DNAH3: variants seen among roughly 807,000 people sequenced by gnomAD.
DNAH3 encodes dynein axonemal heavy chain 3.
DNAH3 carries 332 observed loss-of-function variants against 432.5 expected under a neutral mutation model. That is an observed-to-expected ratio of 0.77 (90% CI 0.70 to 0.84). The LOEUF is 0.84. DNAH3 is among the 40% of genes least tolerant of loss of function. DNAH3 has a pLI of 0.00. For missense variants in DNAH3, 4,861 were observed against 5,114.0 expected (o/e 0.95, Z 1.51); for synonymous variants, 1,956 against 1,900.2 (o/e 1.03, Z -0.76).
At chr16:21,026,015 A>C (rs893672299) in intron 38 of DNAH3, among the ~76,000 whole-genome samples, 1 of 152,104 alleles carries the variant, frequency 6.6e-6, no homozygotes, top group African/African-American at 2.4e-5. Flanking sequence ...CTGGGATTAC[A>C]GCATAAGTCA....
chr16:21,051,620 C>T (rs745311949), intron 29 of DNAH3, 50 bp downstream of exon 29: 1 of 1,574,308 alleles, frequency 6.4e-7, no homozygotes. Context: ...GAGTCTTCTT[C>T]CCCTGGAGTT....
intron 50 of DNAH3, among the ~76,000 whole-genome samples, chr16:20,978,566 ACT>A (rs1265235415): frequency 6.6e-6 from 1 of 152,016 alleles, no homozygotes; most frequent in East Asian, 1.9e-4. Flanking sequence ...ACAAAGTCTC[ACT>A]CTGTTACCCC....
chr16:21,129,221 C>A (rs57670866), intron 7 of DNAH3: 42,905 of 152,666 alleles, frequency 0.28, 6,160 homozygotes, highest in African/African-American at 0.33. Context: ...TGTTTCCAGG[C>A]CGTGCCCACC....
intron 1 of DNAH3, among the ~76,000 whole-genome samples, chr16:21,155,027 G>T (rs932783513): frequency 6.9e-6 from 1 of 145,708 alleles, no homozygotes; most frequent in Non-Finnish European, 1.5e-5. Flanking sequence ...TCGGCTCACT[G>T]TAACCTCCAC....
exon 1 of DNAH3, chr16:21,159,426 G>T: frequency 6.2e-7 from 1 of 1,613,960 alleles, no homozygotes; most frequent in Non-Finnish European, 8.5e-7. Context: ...AGCTCGAGGC[G>T]CCCTGTAGCT....
At chr16:20,987,596 G>C in intron 46 of DNAH3, 97 bp downstream of exon 46, 3 of 1,542,638 alleles carry the variant, frequency 1.9e-6, no homozygotes, top group Non-Finnish European at 2.7e-6. Flanking sequence ...CATAGACTAA[G>C]TGCCTAATAA....
chr16:21,066,584 G>A (rs542949970), intron 24 of DNAH3, among the ~76,000 whole-genome samples: 17 of 152,110 alleles, frequency 1.1e-4, no homozygotes, highest in African/African-American at 3.9e-4. Context: ...GTCCAGGCTG[G>A]TCTCAAATTC....
chr16:21,116,276 T>C (rs192802313), intron 12 of DNAH3, among the ~76,000 whole-genome samples: 1 of 152,128 alleles, frequency 6.6e-6, no homozygotes, highest in East Asian at 1.9e-4. Context: ...AATTTCATCT[T>C]GAATTGTGGT....
At chr16:21,071,636 C>T (rs1314706653) in intron 21 of DNAH3, among the ~76,000 whole-genome samples, 1 of 151,900 alleles carries the variant, frequency 6.6e-6, no homozygotes, top group Non-Finnish European at 1.5e-5. Context: ...GCCCATAATC[C>T]CAGCACTTTG....
At chr16:21,145,736 G>A (rs1250409998) in intron 2 of DNAH3, among the ~76,000 whole-genome samples, 3 of 152,210 alleles carry the variant, frequency 2.0e-5, no homozygotes, top group African/African-American at 7.2e-5. Context: ...GAAGTTCAGA[G>A]AGTTTAAATA....
intron 52 of DNAH3, among the ~76,000 whole-genome samples, chr16:20,969,086 CTGTGTG>C (rs56928155): frequency 0.09 from 13,107 of 146,340 alleles, 638 homozygotes; most frequent in East Asian, 0.17. Context: ...TTTTCTTTCT[CTGTGTG>C]TGTGTGTGTG....
intron 41 of DNAH3, among the ~76,000 whole-genome samples, chr16:21,004,596 G>C (rs906010251): frequency 6.6e-6 from 1 of 152,008 alleles, no homozygotes; most frequent in African/African-American, 2.4e-5. Flanking sequence ...TCAAACTCCC[G>C]ACCTCAGGTG....
intron 57 of DNAH3, among the ~76,000 whole-genome samples, chr16:20,945,526 T>C (rs1202981042): frequency 6.6e-6 from 1 of 151,876 alleles, no homozygotes; most frequent in Non-Finnish European, 1.5e-5. Flanking sequence ...AGATTCTTGC[T>C]GTCTGCCAGG....
At chr16:21,155,195 C>T (rs1022010607) in intron 1 of DNAH3, among the ~76,000 whole-genome samples, 1 of 151,936 alleles carries the variant, frequency 6.6e-6, no homozygotes, top group African/African-American at 2.4e-5. Context: ...AGTGATCTGC[C>T]CACCTCCGCC....
intron 36 of DNAH3, among the ~76,000 whole-genome samples, chr16:21,032,706 G>A (rs147765120): frequency 6.6e-6 from 1 of 151,988 alleles, no homozygotes; most frequent in Non-Finnish European, 1.5e-5. Flanking sequence ...CCAGCTACCC[G>A]GGAGCCTGAG....
At chr16:20,999,333 G>C (rs1047333763) in intron 43 of DNAH3, among the ~76,000 whole-genome samples, 2 of 152,130 alleles carry the variant, frequency 1.3e-5, no homozygotes, top group Admixed American at 6.6e-5. Flanking sequence ...ATAAAAATAG[G>C]GAGGGAGAGC....
chr16:20,970,281 T>C (rs1176995415), intron 51 of DNAH3, among the ~76,000 whole-genome samples: 1 of 152,190 alleles, frequency 6.6e-6, no homozygotes, highest in Non-Finnish European at 1.5e-5. Flanking sequence ...TCCCAGCACT[T>C]TGGGAGGCCA....
chr16:20,951,326 T>C (rs545735823), intron 56 of DNAH3, among the ~76,000 whole-genome samples: 2 of 151,846 alleles, frequency 1.3e-5, no homozygotes, highest in African/African-American at 4.8e-5. Flanking sequence ...CCAAAACCCA[T>C]CTCTTATGCC....
chr16:21,041,929 T>C, intron 32 of DNAH3, 98 bp downstream of exon 32: 5 of 1,441,586 alleles, frequency 3.5e-6, no homozygotes, highest in Non-Finnish European at 4.8e-6. Context: ...CACCTTGGCC[T>C]CCCAAAGTGC....
Sources: allele counts gnomAD v4.1 joint callset (sites outside exome capture counted in the v4.1 genomes callset), GRCh38; gene constraint gnomAD v4.1.1; transcripts MANE v1.5; gene names NCBI Gene and HGNC (gene_info 2026-07-23, HGNC 2026-07-21).